The following ADK variants were observed in gnomAD, a reference collection of about 807,000 sequenced individuals.
ADK encodes the protein adenosine kinase.
Under a neutral mutation model 44.7 loss-of-function variants are expected in ADK, and 24 were observed. That is an observed-to-expected ratio of 0.54 (90% CI 0.39 to 0.76). The LOEUF is 0.76. Ranked by LOEUF, ADK falls within the 30% of genes least tolerant of loss-of-function variation. The pLI, the probability that ADK is intolerant of heterozygous loss-of-function variation, is 0.00. For synonymous variants in ADK, 128 were observed against 142.6 expected (o/e 0.90, Z 0.73); for missense variants, 321 against 425.1 (o/e 0.76, Z 2.15).
intron 4 of ADK, among the ~76,000 whole-genome samples, chr10:74,366,840 G>T (rs184686079): frequency 6.6e-6 from 1 of 152,160 alleles, no homozygotes; most frequent in Non-Finnish European, 1.5e-5. Flanking sequence ...TGAGGTGGGC[G>T]GATTGTTTGA....
At chr10:74,193,643 G>T (rs983246069) in intron 1 of ADK, among the ~76,000 whole-genome samples, 2 of 151,918 alleles carry the variant, frequency 1.3e-5, no homozygotes, top group Non-Finnish European at 2.9e-5. Context: ...AAATTAACTG[G>T]GTATGGTGGC....
chr10:74,512,604 C>T (rs1242481633), intron 6 of ADK, among the ~76,000 whole-genome samples: 2 of 151,640 alleles, frequency 1.3e-5, no homozygotes, highest in Non-Finnish European at 2.9e-5. Flanking sequence ...CTTTGTATTT[C>T]TGTAGTATCT....
intron 6 of ADK, chr10:74,423,755 C>CT (rs1173987630): frequency 7.2e-6 from 3 of 414,412 alleles, no homozygotes; most frequent in East Asian, 7.0e-5. Context: ...GCAAATGTAT[C>CT]TTTTTTGGTG....
chr10:74,280,829 A>G (rs1846907376), intron 3 of ADK, among the ~76,000 whole-genome samples: 1 of 152,180 alleles, frequency 6.6e-6, no homozygotes, highest in Admixed American at 6.5e-5. Flanking sequence ...AAGTTCATGC[A>G]TGTATTAAGT....
chr10:74,203,776 ATTAATTT>A (rs1016324053), intron 2 of ADK, among the ~76,000 whole-genome samples: 1 of 151,112 alleles, frequency 6.6e-6, no homozygotes, highest in Non-Finnish European at 1.5e-5. Flanking sequence ...TATTATTATT[ATTAATTT>A]TTAATTTGAG....
chr10:74,648,053 G>A (rs184894846), intron 9 of ADK, among the ~76,000 whole-genome samples: 2,740 of 151,972 alleles, frequency 0.018, 27 homozygotes, highest in Non-Finnish European at 0.027. Context: ...AATCTACTTG[G>A]TAAGTTAGCT....
At chr10:74,208,707 A>C (rs1843693055) in intron 2 of ADK, among the ~76,000 whole-genome samples, 1 of 151,772 alleles carries the variant, frequency 6.6e-6, no homozygotes, top group Admixed American at 6.6e-5. Context: ...GATAAGTACT[A>C]TGTATATATA....
chr10:74,497,434 T>A (rs1847731415), intron 6 of ADK, among the ~76,000 whole-genome samples: 1 of 152,212 alleles, frequency 6.6e-6, no homozygotes, highest in African/African-American at 2.4e-5. Context: ...CTGGAATTCC[T>A]CAATTTATTT....
intron 10 of ADK, among the ~76,000 whole-genome samples, chr10:74,681,615 G>C (rs1311694934): frequency 6.6e-6 from 1 of 151,460 alleles, no homozygotes. Context: ...AGAGGCCGAG[G>C]TGGACAAATC....
rs372925592 is a variant in ADK, at chr10:74,193,991, A to G, written c.66-6773A>G. Among the ~76,000 whole-genome samples, 62 of 152,312 alleles carry G rather than the reference A, an allele frequency of 4.1e-4. 1 individual carries two copies. In the Middle Eastern group the frequency reaches 0.01, roughly 25 times the overall value. ...CATCAAAGGACTTTTAGAACTGAGC[A>G]GGAGGGAATGAATAAATCTTTGGGA... is the stretch of plus-strand genomic sequence containing the variant. On this transcript the variant is annotated intron_variant, in intron 1 of 10. Transcript: ENST00000539909.
At chr10:74,566,720 A>G (rs1850681540) in intron 7 of ADK, among the ~76,000 whole-genome samples, 1 of 152,156 alleles carries the variant, frequency 6.6e-6, no homozygotes, top group Non-Finnish European at 1.5e-5. Context: ...ATACTTTACA[A>G]TTTGTTTTTC....
chr10:74,597,211 C>T (rs1293236351), intron 8 of ADK, among the ~76,000 whole-genome samples: 1 of 152,080 alleles, frequency 6.6e-6, no homozygotes, highest in Non-Finnish European at 1.5e-5. Context: ...TAAGCTATTT[C>T]ACTTACCTCA....
At position 74,276,327 on chromosome 10, in the gene ADK, A is replaced by G. The variant is rs1846678287; in HGVS notation, c.195-38340A>G. 4.6e-5 allele frequency among the ~76,000 whole-genome samples: 7 copies of G among 152,254 alleles called. No homozygotes were observed. The South Asian group carries it at 1.5e-3, about 32-fold the overall frequency. ...CTGGTTGCAAACCCATATTCCCAGT[A>G]AAGCTCTCCTTTCTACTACGTAGCT... On this transcript the variant is annotated intron_variant, in intron 3 of 10. Coordinates refer to ENST00000539909, the MANE Select transcript of ADK (RefSeq NM_006721.4).
intron 3 of ADK, among the ~76,000 whole-genome samples, chr10:74,307,054 TG>T (rs1840278997): frequency 1.3e-5 from 2 of 152,124 alleles, no homozygotes; most frequent in Admixed American, 1.3e-4. Flanking sequence ...GCACAAAGTG[TG>T]AATTTTCAGG....
At chr10:74,340,260 A>C (rs1399774507) in intron 4 of ADK, among the ~76,000 whole-genome samples, 1 of 152,162 alleles carries the variant, frequency 6.6e-6, no homozygotes, top group African/African-American at 2.4e-5. Flanking sequence ...ATTCCAGTTA[A>C]AAATCTAAAG....
chr10:74,446,520 A>C (rs908456427), intron 6 of ADK, among the ~76,000 whole-genome samples: 12 of 152,280 alleles, frequency 7.9e-5, no homozygotes, highest in Admixed American at 7.8e-4. Context: ...GCTTAGGAGT[A>C]TAAACTGTAT....
At chr10:74,489,953 A>C (rs1362518795) in intron 6 of ADK, among the ~76,000 whole-genome samples, 1 of 151,978 alleles carries the variant, frequency 6.6e-6, no homozygotes, top group Admixed American at 6.6e-5. Context: ...TGAAATAAGT[A>C]GAGTTTCTAT....
At chr10:74,620,193 G>A (rs1045624196) in intron 9 of ADK, among the ~76,000 whole-genome samples, 2 of 152,106 alleles carry the variant, frequency 1.3e-5, no homozygotes, top group Non-Finnish European at 2.9e-5. Flanking sequence ...CTACATTGCT[G>A]TAGAACACTA....
chr10:74,357,255 C>T (rs535550582), intron 4 of ADK, among the ~76,000 whole-genome samples: 2 of 152,178 alleles, frequency 1.3e-5, no homozygotes, highest in South Asian at 2.1e-4. Context: ...TGCAGGAGAA[C>T]GAATGCGGCA....
Sources: allele counts gnomAD v4.1 joint callset (sites outside exome capture counted in the v4.1 genomes callset), GRCh38; gene constraint gnomAD v4.1.1; transcripts MANE v1.5; gene names NCBI Gene and HGNC (gene_info 2026-07-23, HGNC 2026-07-21).